Variants in SIK3 observed in about 807,000 individuals in gnomAD.
SIK3 encodes SIK family kinase 3, also known as serine/threonine-protein kinase SIK3.
In SIK3, 28 loss-of-function variants were observed where a neutral mutation model predicts 144.2. That is an observed-to-expected ratio of 0.19 (90% CI 0.14 to 0.27). The LOEUF (loss-of-function observed/expected upper bound fraction) is 0.27, where lower values mean the gene tolerates loss of function less well. SIK3 is among the 10% of genes least tolerant of loss of function. The pLI, the probability that SIK3 is intolerant of heterozygous loss-of-function variation, is 1.00. For synonymous variants in SIK3, 686 were observed against 676.3 expected, an observed-to-expected ratio of 1.01 and a Z score of -0.22; for missense variants, 1,319 against 1,776.0, an observed-to-expected ratio of 0.74 and a Z score of 4.62.
At chr11:116,862,029 G>T in intron 17 of SIK3, 103 bp from the exon 18 acceptor site, 1 of 1,244,842 alleles carries the variant, frequency 8.0e-7, no homozygotes, top group Non-Finnish European at 1.2e-6. Context: ...CTGTGTCTCA[G>T]ATTTATGCTT....
intron 4 of SIK3, among the ~76,000 whole-genome samples, chr11:116,913,604 A>C (rs538057138): frequency 2.0e-5 from 3 of 152,254 alleles, no homozygotes; most frequent in Non-Finnish European, 4.4e-5. Context: ...CAACACATGC[A>C]AACAGTACTC....
chr11:117,058,363 T>C (rs1953635777), intron 1 of SIK3, among the ~76,000 whole-genome samples: 1 of 151,782 alleles, frequency 6.6e-6, no homozygotes, highest in Non-Finnish European at 1.5e-5. Context: ...CTGCTAAAAA[T>C]ACAGAAAGTA....
chr11:117,080,159 G>A (rs550595125), intron 1 of SIK3, among the ~76,000 whole-genome samples: 52 of 152,234 alleles, frequency 3.4e-4, no homozygotes, highest in South Asian at 2.1e-4. Context: ...AATGATGCTC[G>A]AATGTACTAA....
chr11:117,095,984 G>A (rs1347858492), intron 1 of SIK3, among the ~76,000 whole-genome samples: 1 of 152,128 alleles, frequency 6.6e-6, no homozygotes, highest in Admixed American at 6.5e-5. Context: ...AGTGACACCC[G>A]TTTGTAAACA....
At chr11:116,904,028 T>C (rs1447130290) in intron 4 of SIK3, among the ~76,000 whole-genome samples, 1 of 152,236 alleles carries the variant, frequency 6.6e-6, no homozygotes, top group Non-Finnish European at 1.5e-5. Flanking sequence ...TTCCTATTCT[T>C]AATGTCTCTT....
chr11:116,887,432 C>T (rs944544835), intron 6 of SIK3, among the ~76,000 whole-genome samples: 43 of 151,862 alleles, frequency 2.8e-4, no homozygotes, highest in African/African-American at 9.9e-4. Flanking sequence ...GCCTGGCCAA[C>T]ATGACGAGAC....
intron 1 of SIK3, among the ~76,000 whole-genome samples, chr11:117,037,168 T>C (rs1487974478): frequency 1.3e-5 from 2 of 152,074 alleles, no homozygotes; most frequent in Non-Finnish European, 2.9e-5. Context: ...TTGTGTCTGC[T>C]GCAAAAAAGG....
Position 116,873,466 on chromosome 11 carries a change from T to C in SIK3, c.1737+15A>G. 6.2e-7 allele frequency: 1 copy of C among 1,614,190 alleles called. No individual in the cohort carries two copies. Among genetic ancestry groups the C allele is most frequent in the Admixed American group, 1.7e-5 (1 of 60,032 alleles). ...GCCTCTGAGACAGTGAATTGGGCTCTGTGCTGCTACTCACTGGTGTCATGG... is the reference window on the plus strand; with the variant it reads ...GCCTCTGAGACAGTGAATTGGGCTCCGTGCTGCTACTCACTGGTGTCATGG... On this transcript the variant is annotated intron_variant, in intron 13 of 24. Coordinates refer to ENST00000445177, the MANE Select transcript of SIK3 (RefSeq NM_001366686.3).
chr11:116,949,992 G>C (rs886775590), intron 3 of SIK3: 1 of 407,870 alleles, frequency 2.5e-6, no homozygotes, highest in Non-Finnish European at 4.9e-6. Flanking sequence ...TCTAGGAACT[G>C]AGAGTTTGGT....
intron 3 of SIK3, among the ~76,000 whole-genome samples, chr11:116,941,163 T>A (rs987771127): frequency 3.3e-5 from 5 of 152,110 alleles, no homozygotes; most frequent in Non-Finnish European, 7.4e-5. Flanking sequence ...CCCACCACCA[T>A]GCTCGGCTAA....
chr11:116,858,264 G>A lies in SIK3; in HGVS notation c.3201C>T (p.Phe1067=), dbSNP rs368405357. Reference sequence around the variant, plus strand: ...CCGCATCCCCTTGGTTCATGTGCCTGAACAGTTCCTGGTATTCTTGCTGTT... The same window carrying A: ...CCGCATCCCCTTGGTTCATGTGCCTAAACAGTTCCTGGTATTCTTGCTGTT... ...QQQQQEYQEL[F]RHMNQGDAGS... The change falls in exon 21 of 25, where the codon TTC becomes TTT. Residue 1067 remains phenylalanine (F), a synonymous_variant. Transcript: ENST00000445177. The surrounding 1 kb of genome is among the most constrained non-coding windows in gnomAD (Gnocchi z 5.4). 7.4e-5 allele frequency: 119 copies of A among 1,613,846 alleles called. No homozygotes were observed. Among genetic ancestry groups the A allele is most frequent in the Non-Finnish European group, 9.9e-5 (117 of 1,179,892 alleles).
intron 1 of SIK3, among the ~76,000 whole-genome samples, chr11:116,975,525 G>A (rs1270590266): frequency 1.3e-5 from 2 of 152,138 alleles, no homozygotes; most frequent in African/African-American, 4.8e-5. Context: ...CATTCACCTT[G>A]CAGCATGTAT....
At chr11:117,054,364 G>T (rs937257093) in intron 1 of SIK3, among the ~76,000 whole-genome samples, 2 of 152,216 alleles carry the variant, frequency 1.3e-5, no homozygotes. Flanking sequence ...TGCATATACT[G>T]TAGGACCCAT....
intron 3 of SIK3, among the ~76,000 whole-genome samples, chr11:116,949,850 A>G (rs962425726): frequency 6.6e-6 from 1 of 152,144 alleles, no homozygotes; most frequent in Non-Finnish European, 1.5e-5. Context: ...GTTGCAAATG[A>G]AGTCAGTTCC....
At chr11:116,874,136 G>A in intron 11 of SIK3, 80 bp from the exon 12 acceptor site, 1 of 1,342,924 alleles carries the variant, frequency 7.4e-7, no homozygotes, top group East Asian at 2.3e-5. Flanking sequence ...TGATGGCATT[G>A]CTATGTTCAG....
At chr11:116,853,472 G>C (rs1271084053) in intron 21 of SIK3, among the ~76,000 whole-genome samples, 1 of 152,176 alleles carries the variant, frequency 6.6e-6, no homozygotes, top group East Asian at 1.9e-4. Flanking sequence ...ATCACACAAG[G>C]GGAAAAGTGC....
intron 6 of SIK3, among the ~76,000 whole-genome samples, chr11:116,895,660 T>C (rs1037131407): frequency 1.3e-5 from 2 of 152,330 alleles, no homozygotes; most frequent in East Asian, 1.9e-4. Context: ...TCTGAGTATC[T>C]TGTATCTATT....
At chr11:116,883,344 G>C (rs1466261471) in intron 6 of SIK3, among the ~76,000 whole-genome samples, 1 of 152,166 alleles carries the variant, frequency 6.6e-6, no homozygotes, top group African/African-American at 2.4e-5. Context: ...TCCTGATCTT[G>C]TTATAACATG....
At chr11:116,875,310 A>G in intron 10 of SIK3, 43 bp from the exon 11 acceptor site, 1 of 1,612,982 alleles carries the variant, frequency 6.2e-7, no homozygotes, top group Non-Finnish European at 8.5e-7. Context: ...ATCAGAAGGA[A>G]GGGAAGCAAG....
Sources: gnomAD v4.1 joint callset for allele counts (sites outside exome capture counted in the v4.1 genomes callset) on GRCh38, gnomAD v4.1.1 for gene constraint, Gnocchi (gnomAD v3.1) non-coding constraint, MANE v1.5 for transcripts, NCBI Gene and HGNC (gene_info 2026-07-23, HGNC 2026-07-21) for gene names.